Variants in TENM1 observed in about 807,000 individuals in gnomAD.
TENM1 encodes the protein teneurin-1.
TENM1 carries 35 observed loss-of-function variants against 174.8 expected under a neutral mutation model. The observed-to-expected ratio is 0.20, with a 90% confidence interval of 0.15 to 0.27. The LOEUF is 0.27. Ranked by LOEUF, TENM1 falls within the 10% of genes least tolerant of loss-of-function variation. TENM1 has a pLI of 1.00. For missense variants in TENM1, 1,633 were observed against 2,130.1 expected (o/e 0.77, Z 4.59); for synonymous variants, 781 against 798.7 (o/e 0.98, Z 0.37).
chrX:125,111,727 G>A, the TENM1 span, among the ~76,000 whole-genome samples: 1 of 111,544 alleles, frequency 9.0e-6, no homozygotes, highest in African/African-American at 3.3e-5. Flanking sequence ...CAAATACAGT[G>A]GGAATAGTTT....
chrX:124,824,322 TGG>T (rs1429591393), intron 3 of TENM1, among the ~76,000 whole-genome samples: 2 of 112,234 alleles, frequency 1.8e-5, no homozygotes, highest in Non-Finnish European at 3.8e-5. Flanking sequence ...AGCTGATTAA[TGG>T]TAAATGAAGC....
chrX:124,401,663 G>T (rs1036741890), intron 27 of TENM1, among the ~76,000 whole-genome samples: 1 of 112,006 alleles, frequency 8.9e-6, no homozygotes, highest in Non-Finnish European at 1.9e-5. Flanking sequence ...TAACGTCAGT[G>T]GGGGAAGAGA....
chrX:124,841,240 A>C (rs1603240647), intron 3 of TENM1, among the ~76,000 whole-genome samples: 1 of 111,914 alleles, frequency 8.9e-6, no homozygotes, highest in African/African-American at 3.2e-5. Context: ...TTTCTCCTTC[A>C]GTGGAAAACA....
the TENM1 span, among the ~76,000 whole-genome samples, chrX:125,032,886 T>C: frequency 2.4e-4 from 27 of 111,829 alleles, no homozygotes; most frequent in African/African-American, 8.8e-4. Flanking sequence ...TATTCTCCCA[T>C]TGTCATGTTG....
the TENM1 span, among the ~76,000 whole-genome samples, chrX:124,989,259 C>A: frequency 9.0e-6 from 1 of 111,227 alleles, no homozygotes; most frequent in African/African-American, 3.3e-5. Flanking sequence ...TAGCAATAAA[C>A]AACTGGAAAA....
chrX:124,599,646 G>A (rs1023644166), intron 11 of TENM1, among the ~76,000 whole-genome samples: 8 of 111,478 alleles, frequency 7.2e-5, no homozygotes, highest in Non-Finnish European at 1.3e-4. Flanking sequence ...AGTTTTCCAC[G>A]ATTAGGAGTA....
intron 8 of TENM1, among the ~76,000 whole-genome samples, chrX:124,647,569 TTC>T (rs2051191042): frequency 9.0e-6 from 1 of 111,692 alleles, no homozygotes. Context: ...TTACAGTAAC[TTC>T]TCTGAAAATC....
At chrX:125,169,501 C>T in the TENM1 span, among the ~76,000 whole-genome samples, 10 of 111,640 alleles carry the variant, frequency 9.0e-5, no homozygotes, top group Non-Finnish European at 1.9e-4. Context: ...AGGCTTTGGC[C>T]TTGCTTTTAA....
At chrX:124,450,705 G>A (rs1281369251) in intron 23 of TENM1, among the ~76,000 whole-genome samples, 1 of 111,514 alleles carries the variant, frequency 9.0e-6, no homozygotes, top group Non-Finnish European at 1.9e-5. Context: ...TCTGATTTTG[G>A]TTTAAGAATC....
intron 15 of TENM1, among the ~76,000 whole-genome samples, chrX:124,532,495 T>A (rs941577984): frequency 4.5e-5 from 5 of 111,775 alleles, no homozygotes; most frequent in Admixed American, 1.9e-4. Context: ...CTGAGTAGAC[T>A]TGTCTTTTGA....
intron 6 of TENM1, among the ~76,000 whole-genome samples, chrX:124,658,809 G>T (rs1472943027): frequency 8.9e-6 from 1 of 112,130 alleles, no homozygotes; most frequent in Non-Finnish European, 1.9e-5. Context: ...TCAGGTAGAA[G>T]TAAAATGGCA....
At chrX:124,774,147 A>G (rs965719650) in intron 3 of TENM1, among the ~76,000 whole-genome samples, 2 of 112,474 alleles carry the variant, frequency 1.8e-5, no homozygotes, top group African/African-American at 6.5e-5. Context: ...AGAAAGAATG[A>G]AAAGCATAAG....
chrX:125,056,668 A>G, the TENM1 span, among the ~76,000 whole-genome samples: 3 of 111,394 alleles, frequency 2.7e-5, no homozygotes, highest in East Asian at 2.9e-4. Flanking sequence ...TAACCAGAAC[A>G]GCAGAACTCT....
chrX:124,555,335 C>T (rs1274661580), intron 14 of TENM1, among the ~76,000 whole-genome samples: 3 of 111,517 alleles, frequency 2.7e-5, no homozygotes, highest in Non-Finnish European at 5.6e-5. Flanking sequence ...AGGTCAGGTC[C>T]CCATGCACAT....
chrX:125,122,690 C>T, the TENM1 span, among the ~76,000 whole-genome samples: 2 of 111,170 alleles, frequency 1.8e-5, no homozygotes, highest in African/African-American at 6.5e-5. Context: ...GTTATTACCT[C>T]ATTTCATAGT....
At chrX:124,420,352 C>T (rs1400786765) in exon 25 of TENM1, 2 of 1,205,986 alleles carry the variant, frequency 1.7e-6, no homozygotes, top group East Asian at 3.0e-5. Context: ...TTTTGGTAGC[C>T]AGAAGCCCTG....
intron 22 of TENM1, among the ~76,000 whole-genome samples, chrX:124,464,268 T>C (rs1036746949): frequency 1.6e-4 from 18 of 111,544 alleles, no homozygotes; most frequent in Middle Eastern, 4.7e-3. Flanking sequence ...CTAGGGAAAA[T>C]GAGTCTATCT....
the TENM1 span, among the ~76,000 whole-genome samples, chrX:125,070,626 T>C: frequency 8.9e-6 from 1 of 111,785 alleles, no homozygotes; most frequent in African/African-American, 3.2e-5. Flanking sequence ...TCAAGCCGTA[T>C]GACCTTAAAT....
At chrX:124,523,461 G>A in exon 17 of TENM1, 7 of 1,211,554 alleles carry the variant, frequency 5.8e-6, no homozygotes, top group Non-Finnish European at 7.8e-6. Flanking sequence ...GATAAAGTTG[G>A]AGATATCGCA....
Sources: gnomAD v4.1 joint callset for allele counts (sites outside exome capture counted in the v4.1 genomes callset) on GRCh38, gnomAD v4.1.1 for gene constraint, MANE v1.5 for transcripts, NCBI Gene and HGNC (gene_info 2026-07-23, HGNC 2026-07-21) for gene names.